ATP11B: variants seen among roughly 807,000 people sequenced by gnomAD.
The protein encoded by ATP11B is phospholipid-transporting ATPase IF.
In ATP11B, 81 loss-of-function variants were observed where a neutral mutation model predicts 157.8. That is an observed-to-expected ratio of 0.51 (90% CI 0.43 to 0.62). ATP11B has a LOEUF of 0.62. ATP11B is among the 20% of genes least tolerant of loss of function. The pLI is 0.00. For missense variants in ATP11B, 1,165 were observed against 1,402.2 expected (o/e 0.83, Z 2.70); for synonymous variants, 451 against 469.4 (o/e 0.96, Z 0.51).
At position 182,858,031 on chromosome 3, in the gene ATP11B, A is replaced by G. The variant is rs373076647; in HGVS notation, c.1002+3A>G. The stretch of plus-strand genomic sequence containing the variant: ...AACATCAAAGAAATAGCAGTAAGGT[A>G]TTTTATGGTGTTATTGACTGTGTCA... On this transcript the variant is annotated splice_donor_region_variant and intron_variant, in intron 11 of 29. Transcript: ENST00000323116. The G allele has an allele frequency of 1.7e-5, 27 of 1,608,772 alleles. No individual in the cohort carries two copies. Among genetic ancestry groups the G allele is most frequent in the Non-Finnish European group, 2.0e-5 (24 of 1,176,486 alleles).
chr3:182,866,184 T>G, intron 13 of ATP11B, 84 bp from the exon 14 acceptor site: 1 of 1,052,772 alleles, frequency 9.5e-7, no homozygotes, highest in Non-Finnish European at 1.3e-6. Flanking sequence ...ACTCTTGTTC[T>G]AGATCTTAGA....
chr3:182,840,225 T>C (rs1718900933), intron 7 of ATP11B, among the ~76,000 whole-genome samples: 1 of 152,196 alleles, frequency 6.6e-6, no homozygotes, highest in Non-Finnish European at 1.5e-5. Flanking sequence ...TGCTAACTTG[T>C]CTTCCAGGAC....
In ATP11B at chr3:182,836,493, A is replaced by G. The variant is rs202217070; in HGVS notation, c.552+23A>G. The stretch of plus-strand genomic sequence containing the variant: ...AAGGTTTGCTTGCATATGTTTGAGT[A>G]TTGCTCTTGGTGAACAAAGTGTCTT... On this transcript the variant is annotated intron_variant, in intron 6 of 29. Coordinates refer to ENST00000323116, the MANE Select transcript of ATP11B (RefSeq NM_014616.3). 154 of 1,613,562 alleles carry G rather than the reference A, an allele frequency of 9.5e-5. No individual in the cohort carries two copies. In the African/African-American group the frequency reaches 1.9e-3, roughly 20 times the overall value.
At chr3:182,878,065 A>G (rs1396664773) in intron 19 of ATP11B, among the ~76,000 whole-genome samples, 1 of 152,226 alleles carries the variant, frequency 6.6e-6, no homozygotes, top group Non-Finnish European at 1.5e-5. Context: ...AGTTTGGCCA[A>G]TAGGGAAGAA....
chr3:182,813,648 C>G (rs977723470), intron 1 of ATP11B, among the ~76,000 whole-genome samples: 4 of 152,096 alleles, frequency 2.6e-5, no homozygotes, highest in Non-Finnish European at 5.9e-5. Flanking sequence ...TCTACAGAAC[C>G]GCTTTAAAAT....
At chr3:182,841,069 A>C (rs1577002703) in intron 7 of ATP11B, among the ~76,000 whole-genome samples, 1 of 151,322 alleles carries the variant, frequency 6.6e-6, no homozygotes, top group East Asian at 1.9e-4. Context: ...TGACCTCCTT[A>C]GTTTTCCTTG....
rs557777770 is a variant in ATP11B, at chr3:182,803,329, A to G, written c.27+9543A>G. On this transcript the variant is annotated intron_variant, in intron 1 of 29. Transcript: ENST00000323116. ...TGCTGGTGAGATGCAGGTATCCTCA[A>G]TTTCATTCACATGAATAGATTGCCC... Among the ~76,000 whole-genome samples the G allele has an allele frequency of 1.2e-4, 19 of 152,298 alleles. No homozygotes were observed. The South Asian group carries it at 3.1e-3, about 25-fold the overall frequency.
chr3:182,818,343 T>C (rs1717096260), intron 1 of ATP11B, among the ~76,000 whole-genome samples: 1 of 152,234 alleles, frequency 6.6e-6, no homozygotes, highest in South Asian at 2.1e-4. Context: ...GTTTACCAAA[T>C]TGTGAAAAAT....
At chr3:182,897,263 A>G in intron 26 of ATP11B, 40 bp from the exon 27 acceptor site, 2 of 1,152,558 alleles carry the variant, frequency 1.7e-6, no homozygotes, top group Non-Finnish European at 2.5e-6. Context: ...GTAAAGCTTT[A>G]TTTGTTTATA....
intron 24 of ATP11B, among the ~76,000 whole-genome samples, chr3:182,887,969 C>T (rs73883926): frequency 0.035 from 5,314 of 152,176 alleles, 318 homozygotes; most frequent in African/African-American, 0.12. Context: ...CACTTACTCT[C>T]GCAAACCAGT....
intron 2 of ATP11B, among the ~76,000 whole-genome samples, chr3:182,822,282 G>A (rs749261460): frequency 6.6e-6 from 1 of 151,602 alleles, no homozygotes; most frequent in Non-Finnish European, 1.5e-5. Context: ...CCTACCCCAC[G>A]AGAGGCCCCA....
At chr3:182,823,452 C>T (rs1213663326) in intron 2 of ATP11B, among the ~76,000 whole-genome samples, 1 of 151,978 alleles carries the variant, frequency 6.6e-6, no homozygotes. Context: ...TCTGAGGGCT[C>T]TGTTCTGTTC....
chr3:182,887,961 C>G (rs1393124903), intron 24 of ATP11B, among the ~76,000 whole-genome samples: 2 of 152,152 alleles, frequency 1.3e-5, no homozygotes, highest in Non-Finnish European at 2.9e-5. Flanking sequence ...GTAATTTGCA[C>G]TTACTCTCGC....
rs1725352222 is a variant in ATP11B, at chr3:182,919,768, G to A, written c.*1664G>A. 6.6e-6 allele frequency: 1 copy of A among 152,110 alleles called. No homozygotes were observed. The highest frequency in any genetic ancestry group is 1.5e-5 in the Non-Finnish European group (1 of 68,004). 9.4% of individuals were successfully genotyped at this position (152,110 alleles called of 1,614,324 possible). ...TGTAAACTATTATTTTCTTGCTAATGTAACATTTGTCTGTTCCAGTGATGT... is the reference window on the plus strand; with the variant it reads ...TGTAAACTATTATTTTCTTGCTAATATAACATTTGTCTGTTCCAGTGATGT... On this transcript the variant is annotated 3_prime_UTR_variant, in exon 30 of 30. Coordinates refer to ENST00000323116, the MANE Select transcript of ATP11B (RefSeq NM_014616.3).
chr3:182,793,551 C>G lies in ATP11B; in HGVS notation c.-209C>G, dbSNP rs1715377344. 1.1e-5 allele frequency: 4 copies of G among 359,962 alleles called. No individual in the cohort carries two copies. In the South Asian group the frequency reaches 5.3e-4, roughly 47 times the overall value. 22.3% of individuals were successfully genotyped at this position (359,962 alleles called of 1,614,324 possible). ...CGGCGGCAGGCTCAGCTGCGCCGGG[C>G]GGGGGCGGCGCCGGGGCCGCGCCTG... On this transcript the variant is annotated 5_prime_UTR_variant, in exon 1 of 30. Coordinates refer to ENST00000323116, the MANE Select transcript of ATP11B (RefSeq NM_014616.3).
At chr3:182,839,024 A>G (rs1265194492) in intron 7 of ATP11B, among the ~76,000 whole-genome samples, 1 of 152,196 alleles carries the variant, frequency 6.6e-6, no homozygotes, top group African/African-American at 2.4e-5. Flanking sequence ...AAGACATGGA[A>G]TCAACCTAAA....
intron 2 of ATP11B, among the ~76,000 whole-genome samples, chr3:182,821,334 C>G (rs1483616833): frequency 6.6e-6 from 1 of 152,048 alleles, no homozygotes; most frequent in Non-Finnish European, 1.5e-5. Context: ...GTCTTGAACT[C>G]CAGACCTCAT....
intron 2 of ATP11B, among the ~76,000 whole-genome samples, chr3:182,824,445 A>G (rs941938923): frequency 1.4e-4 from 21 of 152,102 alleles, no homozygotes; most frequent in Non-Finnish European, 8.8e-5. Context: ...TCCATTTGCA[A>G]TTTTTTGAAA....
At chr3:182,830,237 C>T (rs1037130769) in intron 4 of ATP11B, among the ~76,000 whole-genome samples, 5 of 151,170 alleles carry the variant, frequency 3.3e-5, no homozygotes, top group African/African-American at 1.2e-4. Context: ...GTGGGAGGAA[C>T]GCTTGAGCCC....
Sources: gnomAD v4.1 joint callset for allele counts (sites outside exome capture counted in the v4.1 genomes callset) on GRCh38, gnomAD v4.1.1 for gene constraint, MANE v1.5 for transcripts, NCBI Gene and HGNC (gene_info 2026-07-23, HGNC 2026-07-21) for gene names.